The following ANOS1 variants were observed in gnomAD, a reference collection of about 807,000 sequenced individuals.
ANOS1 encodes the protein anosmin 1, also known as anosmin-1.
In ANOS1, 6 loss-of-function variants were observed where a neutral mutation model predicts 59.0. That is an observed-to-expected ratio of 0.10 (90% CI 0.06 to 0.20). The LOEUF is 0.20. Among genes scored for constraint, ANOS1 ranks in the 10% least tolerant of loss-of-function variants. The pLI is 1.00. For missense variants in ANOS1, 433 were observed against 542.3 expected, an observed-to-expected ratio of 0.80 and a Z score of 2.00; for synonymous variants, 217 against 223.4, an observed-to-expected ratio of 0.97 and a Z score of 0.25.
chrX:8,690,794 C>G (rs1932594109), intron 2 of ANOS1, among the ~76,000 whole-genome samples: 1 of 111,815 alleles, frequency 8.9e-6, no homozygotes, highest in Admixed American at 9.5e-5. Flanking sequence ...TGGAAAATCA[C>G]TAACAGTTAG....
At chrX:8,655,914 C>A (rs1931924003) in intron 2 of ANOS1, among the ~76,000 whole-genome samples, 1 of 112,519 alleles carries the variant, frequency 8.9e-6, no homozygotes, top group African/African-American at 3.2e-5. Flanking sequence ...GTAATTTTAT[C>A]TGATGGTATG....
intron 6 of ANOS1, among the ~76,000 whole-genome samples, chrX:8,578,273 T>C (rs1930363092): frequency 9.2e-6 from 1 of 109,182 alleles, no homozygotes; most frequent in African/African-American, 3.4e-5. Context: ...AAACCTTTTT[T>C]TTTCTTTCCA....
At chrX:8,573,497 C>T (rs1313431944) in intron 6 of ANOS1, among the ~76,000 whole-genome samples, 1 of 111,585 alleles carries the variant, frequency 9.0e-6, no homozygotes, top group Non-Finnish European at 1.9e-5. Context: ...CTCATCTACA[C>T]TCACTCTCTA....
At chrX:8,654,524 T>G (rs1026453279) in intron 2 of ANOS1, among the ~76,000 whole-genome samples, 4 of 112,433 alleles carry the variant, frequency 3.6e-5, no homozygotes, top group Non-Finnish European at 7.5e-5. Flanking sequence ...AAACCTCGAT[T>G]CTTGCTTTCA....
chrX:8,609,944 T>C (rs1385908926), intron 3 of ANOS1, among the ~76,000 whole-genome samples: 1 of 91,962 alleles, frequency 1.1e-5, no homozygotes, highest in South Asian at 6.0e-4. Context: ...GAGGCGGAGC[T>C]TGCAGTGAGC....
At chrX:8,556,711 A>C (rs1157328916) in intron 8 of ANOS1, among the ~76,000 whole-genome samples, 1 of 112,205 alleles carries the variant, frequency 8.9e-6, no homozygotes, top group Non-Finnish European at 1.9e-5. Context: ...TTCCATGCAC[A>C]TGGATAGGAA....
chrX:8,652,981 G>A (rs1164633894), intron 2 of ANOS1, among the ~76,000 whole-genome samples: 1 of 110,093 alleles, frequency 9.1e-6, no homozygotes, highest in South Asian at 4.0e-4. Context: ...TCAGCCTCCC[G>A]AGTAGCTGAG....
At chrX:8,568,431 T>C (rs1930160499) in intron 7 of ANOS1, 55 bp from the exon 8 acceptor site, 1 of 1,068,352 alleles carries the variant, frequency 9.4e-7, no homozygotes, top group Non-Finnish European at 1.3e-6. Flanking sequence ...ACGTCTCTCA[T>C]CTTCATTGCA....
At chrX:8,641,130 G>A (rs1443390195) in intron 2 of ANOS1, among the ~76,000 whole-genome samples, 2 of 111,856 alleles carry the variant, frequency 1.8e-5, no homozygotes, top group East Asian at 2.8e-4. Flanking sequence ...TGGAGTATCC[G>A]GAAGAGTAAG....
At chrX:8,612,609 C>A (rs1601978733) in intron 3 of ANOS1, among the ~76,000 whole-genome samples, 2 of 98,594 alleles carry the variant, frequency 2.0e-5, no homozygotes, top group African/African-American at 7.7e-5. Context: ...TGGGATGAAT[C>A]AAGAAAAAGT....
intron 2 of ANOS1, among the ~76,000 whole-genome samples, chrX:8,662,219 T>A (rs990405542): frequency 3.6e-5 from 4 of 111,604 alleles, no homozygotes; most frequent in African/African-American, 1.3e-4. Context: ...AGTGGATATT[T>A]TAGGCAGGGA....
intron 8 of ANOS1, among the ~76,000 whole-genome samples, chrX:8,567,050 C>G (rs915086035): frequency 8.9e-6 from 1 of 112,006 alleles, no homozygotes; most frequent in African/African-American, 3.2e-5. Context: ...CTCCCTCCTA[C>G]TCTCATTTAA....
chrX:8,675,865 C>G (rs758662686), intron 2 of ANOS1, among the ~76,000 whole-genome samples: 1 of 87,254 alleles, frequency 1.1e-5, no homozygotes, highest in East Asian at 4.3e-4. Flanking sequence ...CCCCCCACCC[C>G]ACCCCCCGAC....
intron 8 of ANOS1, among the ~76,000 whole-genome samples, chrX:8,563,514 T>C (rs1421370346): frequency 8.9e-6 from 1 of 112,636 alleles, no homozygotes; most frequent in African/African-American, 3.2e-5. Context: ...ACACAAACTC[T>C]TGGAGGACAC....
intron 6 of ANOS1, 120 bp from the exon 7 acceptor site, chrX:8,570,824 G>A (rs1269819751): frequency 1.7e-5 from 11 of 646,476 alleles, no homozygotes; most frequent in East Asian, 7.1e-5. Context: ...AGCTGAAAAC[G>A]GGGGTGGAGG....
At chrX:8,666,751 C>G (rs950149448) in intron 2 of ANOS1, among the ~76,000 whole-genome samples, 5 of 112,040 alleles carry the variant, frequency 4.5e-5, no homozygotes, top group Non-Finnish European at 7.5e-5. Context: ...GGCGTCCATC[C>G]AAAATGTGGA....
chrX:8,625,588 A>G (rs1931376890), intron 2 of ANOS1, among the ~76,000 whole-genome samples: 1 of 112,132 alleles, frequency 8.9e-6, no homozygotes, highest in South Asian at 3.7e-4. Context: ...CCATCTTTTT[A>G]TCAATTATAT....
intron 2 of ANOS1, among the ~76,000 whole-genome samples, chrX:8,654,976 C>T (rs997153287): frequency 3.6e-5 from 4 of 112,064 alleles, no homozygotes; most frequent in South Asian, 3.7e-4. Flanking sequence ...GCTGCTTTCA[C>T]GCTATGTCAG....
intron 2 of ANOS1, among the ~76,000 whole-genome samples, chrX:8,699,009 C>A (rs1320411487): frequency 9.0e-6 from 1 of 111,142 alleles, no homozygotes; most frequent in Non-Finnish European, 1.9e-5. Flanking sequence ...ATTATGATCC[C>A]AAAGTTTTGC....
Sources: allele counts gnomAD v4.1 joint callset (sites outside exome capture counted in the v4.1 genomes callset), GRCh38; gene constraint gnomAD v4.1.1; transcripts MANE v1.5; gene names NCBI Gene and HGNC (gene_info 2026-07-23, HGNC 2026-07-21).